The following ITGB5 variants were observed in gnomAD, a reference collection of about 807,000 sequenced individuals.
ITGB5 encodes the protein integrin beta-5.
In ITGB5, 38 loss-of-function variants were observed where a neutral mutation model predicts 84.8. That is an observed-to-expected ratio of 0.45 (90% CI 0.35 to 0.59). ITGB5 has a LOEUF of 0.59. ITGB5 is among the 20% of genes least tolerant of loss of function. ITGB5 has a pLI of 0.01. For synonymous variants in ITGB5, 393 were observed against 414.4 expected (o/e 0.95, Z 0.63); for missense variants, 905 against 1,034.5 (o/e 0.87, Z 1.72).
intron 5 of ITGB5, among the ~76,000 whole-genome samples, chr3:124,836,606 C>T (rs1020782945): frequency 6.6e-6 from 1 of 152,188 alleles, no homozygotes; most frequent in Non-Finnish European, 1.5e-5. Flanking sequence ...TCTGGTTCTA[C>T]TCCTTACTAA....
intron 4 of ITGB5, among the ~76,000 whole-genome samples, chr3:124,847,380 A>G (rs9865359): frequency 0.18 from 27,969 of 152,180 alleles, 2,576 homozygotes; most frequent in South Asian, 0.22. Flanking sequence ...GAAGAATGCA[A>G]TCCCCTCATA....
chr3:124,780,161 A>T (rs374667707), intron 10 of ITGB5, among the ~76,000 whole-genome samples: 1 of 121,376 alleles, frequency 8.2e-6, no homozygotes, highest in East Asian at 2.7e-4. Flanking sequence ...GACCATGGGG[A>T]CCCTCAGCAG....
At chr3:124,766,430 T>C in intron 12 of ITGB5, 85 bp from the exon 13 acceptor site, 1 of 1,531,238 alleles carries the variant, frequency 6.5e-7, no homozygotes, top group South Asian at 1.2e-5. Context: ...CCGAGTGCCT[T>C]GAAAAAGGAA....
chr3:124,859,348 G>C lies in ITGB5; in HGVS notation c.255C>G (p.Ser85Arg). The part of the protein sequence containing the change: ...CGGEIESPAS[S>R]FHVLRSLPLS... The stretch of plus-strand genomic sequence containing the variant: ...GGGGCAGGCTCCTCAGGACATGGAA[G>C]CTGCTGGCTGGGCTCTCTATCTCAC... Residue 85 changes from serine (S) to arginine (R), a missense_variant, in exon 3 of 15, where the codon AGC becomes AGG. Around this residue, in one of 3 missense-constraint regions of ITGB5, gnomAD observed 656 missense variants for 734.7 expected, o/e 0.89. Coordinates refer to ENST00000296181, the MANE Select transcript of ITGB5 (RefSeq NM_002213.5). 23 of 1,614,172 alleles carry C rather than the reference G, an allele frequency of 1.4e-5. No individual in the cohort carries two copies. The highest frequency in any genetic ancestry group is 1.9e-5 in the Non-Finnish European group (22 of 1,180,036).
At chr3:124,831,896 C>T (rs778916146) in intron 5 of ITGB5, among the ~76,000 whole-genome samples, 4 of 152,102 alleles carry the variant, frequency 2.6e-5, no homozygotes, top group Non-Finnish European at 4.4e-5. Context: ...GGAGAAGAGC[C>T]GATGGGTCTG....
At chr3:124,810,936 C>CTTTCTTTCTT in intron 8 of ITGB5, among the ~76,000 whole-genome samples, 11 of 151,746 alleles carry the variant, frequency 7.2e-5, no homozygotes, top group African/African-American at 2.4e-4. Flanking sequence ...TTCTTTCTTT[C>CTTTCTTTCTT]TCTTTTTTGC....
At chr3:124,891,422 A>G (rs1335204520), upstream of ITGB5, among the ~76,000 whole-genome samples, 3 of 151,966 alleles carry the variant, frequency 2.0e-5, no homozygotes, top group African/African-American at 7.3e-5. Context: ...GCTCATGCCT[A>G]TGATCCCAGA....
Position 124,841,602 on chromosome 3 carries a change from TA to T in ITGB5, c.612-52del, listed in dbSNP as rs751643657. The T allele has an allele frequency of 1.4e-5, 22 of 1,581,840 alleles. No individual in the cohort carries two copies. In the Middle Eastern group the frequency reaches 1.0e-3, roughly 73 times the overall value. On this transcript the variant is annotated intron_variant, in intron 4 of 14. Coordinates refer to ENST00000296181, the MANE Select transcript of ITGB5 (RefSeq NM_002213.5). Reference sequence around the variant, plus strand: ...CTTTTCCATCATTGTCTGTAAATCTTAACCAAGTGTTCTGAGCATTCACTGA... The same window carrying T: ...CTTTTCCATCATTGTCTGTAAATCTTACCAAGTGTTCTGAGCATTCACTGA...
chr3:124,878,588 A>C (rs1934433034), intron 1 of ITGB5: 1 of 152,116 alleles, frequency 6.6e-6, no homozygotes, highest in African/African-American at 2.4e-5. Flanking sequence ...AGAAATGCAC[A>C]GGTGAATGAC....
chr3:124,825,005 T>C (rs1449090886), intron 5 of ITGB5, among the ~76,000 whole-genome samples: 2 of 152,096 alleles, frequency 1.3e-5, no homozygotes, highest in African/African-American at 4.8e-5. Flanking sequence ...GAGACCATCC[T>C]GGCTAACACG....
At chr3:124,811,170 C>G (rs1379497480) in intron 8 of ITGB5, among the ~76,000 whole-genome samples, 1 of 152,164 alleles carries the variant, frequency 6.6e-6, no homozygotes, top group Non-Finnish European at 1.5e-5. Context: ...ATACACAGAG[C>G]ACTCTCCTGC....
intron 1 of ITGB5, among the ~76,000 whole-genome samples, chr3:124,881,418 G>A (rs1934566436): frequency 6.6e-6 from 1 of 152,178 alleles, no homozygotes; most frequent in Non-Finnish European, 1.5e-5. Context: ...GGTAGCAGGT[G>A]AGACAGACCA....
At chr3:124,862,083 C>G (rs1479940518) in intron 2 of ITGB5, 1 of 152,276 alleles carries the variant, frequency 6.6e-6, no homozygotes, top group Non-Finnish European at 1.5e-5. Context: ...AGGGGCTTGC[C>G]TGCCCAGTGC....
intron 3 of ITGB5, 56 bp from the exon 4 acceptor site, chr3:124,848,614 AG>A: frequency 1.3e-6 from 2 of 1,550,936 alleles, no homozygotes; most frequent in Non-Finnish European, 1.7e-6. Context: ...CTGAGGGCTG[AG>A]GGATGGGATT....
chr3:124,805,913 T>G (rs1304805322), intron 9 of ITGB5, among the ~76,000 whole-genome samples: 1 of 152,172 alleles, frequency 6.6e-6, no homozygotes, highest in Non-Finnish European at 1.5e-5. Flanking sequence ...CCATCTCAAT[T>G]TCGAAAAATA....
At chr3:124,832,697 G>A (rs1358723362) in intron 5 of ITGB5, among the ~76,000 whole-genome samples, 1 of 152,202 alleles carries the variant, frequency 6.6e-6, no homozygotes, top group Non-Finnish European at 1.5e-5. Context: ...ATGGAGACAG[G>A]CATCACGGCT....
At chr3:124,831,124 G>C (rs2064853995) in intron 5 of ITGB5, among the ~76,000 whole-genome samples, 1 of 152,168 alleles carries the variant, frequency 6.6e-6, no homozygotes, top group Non-Finnish European at 1.5e-5. Flanking sequence ...TGATATCTGA[G>C]GTCAGTTACC....
intron 9 of ITGB5, among the ~76,000 whole-genome samples, chr3:124,805,306 A>G (rs2064383106): frequency 6.7e-6 from 1 of 149,722 alleles, no homozygotes; most frequent in Non-Finnish European, 1.5e-5. Context: ...CCACGCCCAG[A>G]TGATTTTTGT....
chr3:124,766,868 G>A (rs956670403), intron 12 of ITGB5, among the ~76,000 whole-genome samples: 4 of 152,194 alleles, frequency 2.6e-5, no homozygotes, highest in Non-Finnish European at 5.9e-5. Context: ...TGAGAGGCTG[G>A]TGCCCACCGT....
Sources: allele counts gnomAD v4.1 joint callset (sites outside exome capture counted in the v4.1 genomes callset), GRCh38; gene constraint gnomAD v4.1.1; regional missense constraint gnomAD v4.1.1; transcripts MANE v1.5; gene names NCBI Gene and HGNC (gene_info 2026-07-23, HGNC 2026-07-21).